TLK1: variants seen among roughly 807,000 people sequenced by gnomAD.
TLK1 encodes tousled like kinase 1.
A neutral mutation model predicts 105.3 loss-of-function variants in TLK1; 24 were observed. That is an observed-to-expected ratio of 0.23 (90% confidence interval 0.17 to 0.32). The LOEUF is 0.32. Ranked by LOEUF, TLK1 falls within the 10% of genes least tolerant of loss-of-function variation. The pLI is 1.00. For synonymous variants in TLK1, 321 were observed against 310.4 expected (o/e 1.03, Z -0.36); for missense variants, 558 against 910.5 (o/e 0.61, Z 4.98).
chr2:171,011,003 T>C (rs1436164435), intron 14 of TLK1, among the ~76,000 whole-genome samples: 1 of 152,086 alleles, frequency 6.6e-6, no homozygotes, highest in African/African-American at 2.4e-5. Context: ...AAAAGACAAG[T>C]ACTTCTTTTT....
chr2:171,212,375 T>C (rs1297090390), intron 1 of TLK1, among the ~76,000 whole-genome samples: 2 of 150,524 alleles, frequency 1.3e-5, no homozygotes, highest in African/African-American at 4.9e-5. Flanking sequence ...CCCCCAATTT[T>C]CCCAACATCT....
At chr2:171,226,530 T>C (rs749667587) in intron 1 of TLK1, among the ~76,000 whole-genome samples, 4 of 152,218 alleles carry the variant, frequency 2.6e-5, no homozygotes, top group Non-Finnish European at 4.4e-5. Flanking sequence ...TCCATGTCAC[T>C]GTACAGATTT....
intron 1 of TLK1, among the ~76,000 whole-genome samples, chr2:171,188,453 C>T (rs776870195): frequency 6.6e-6 from 1 of 152,118 alleles, no homozygotes; most frequent in Non-Finnish European, 1.5e-5. Context: ...CGCCTGTAAT[C>T]CCAGCACTTT....
At chr2:171,015,904 C>T (rs1160176483) in intron 12 of TLK1, among the ~76,000 whole-genome samples, 1 of 151,932 alleles carries the variant, frequency 6.6e-6, no homozygotes, top group Non-Finnish European at 1.5e-5. Flanking sequence ...CATGGAGAAA[C>T]CCCGTCTCTA....
At chr2:171,092,453 C>A (rs938199294) in intron 2 of TLK1, among the ~76,000 whole-genome samples, 5 of 152,310 alleles carry the variant, frequency 3.3e-5, no homozygotes, top group Admixed American at 3.3e-4. Flanking sequence ...CTGTAGTTGT[C>A]AATTAATTCT....
rs1379973536 is a variant in TLK1 at position 171,073,007 on chromosome 2, T to C, written c.330+9774A>G. Reference sequence around the variant, plus strand: ...ATTGCAAATGGGATTACTTTCTTGGTTTCTTTTTCAGATTGTTCACTGTTA... The same window carrying C: ...ATTGCAAATGGGATTACTTTCTTGGCTTCTTTTTCAGATTGTTCACTGTTA... On this transcript the variant is annotated intron_variant, in intron 3 of 20. Coordinates refer to ENST00000431350, the MANE Select transcript of TLK1 (RefSeq NM_012290.5). 2.0e-5 allele frequency among the ~76,000 whole-genome samples: 3 copies of C among 152,068 alleles called. No individual in the cohort carries two copies. The East Asian group carries it at 5.8e-4, about 29-fold the overall frequency.
chr2:171,042,446 C>G (rs1206644493), intron 11 of TLK1, among the ~76,000 whole-genome samples: 1 of 151,920 alleles, frequency 6.6e-6, no homozygotes, highest in African/African-American at 2.4e-5. Flanking sequence ...TAGGGTCTTG[C>G]TCTGTTGCCC....
At chr2:171,018,479 T>C (rs190196309) in intron 12 of TLK1, among the ~76,000 whole-genome samples, 11 of 152,376 alleles carry the variant, frequency 7.2e-5, no homozygotes, top group Non-Finnish European at 1.3e-4. Context: ...TTATCTTTGC[T>C]ACAGATCATT....
chr2:171,212,336 T>C (rs1043678746), intron 1 of TLK1, among the ~76,000 whole-genome samples: 1 of 142,818 alleles, frequency 7.0e-6, no homozygotes, highest in Non-Finnish European at 1.5e-5. Context: ...CTCCCTGTTA[T>C]GCTGCCTTTT....
intron 3 of TLK1, among the ~76,000 whole-genome samples, chr2:171,069,607 C>T (rs1260052736): frequency 6.6e-6 from 1 of 151,974 alleles, no homozygotes; most frequent in Admixed American, 6.6e-5. Context: ...CAGTGCAAAA[C>T]GTCAATAATG....
intron 3 of TLK1, chr2:171,081,645 G>T: frequency 7.7e-7 from 1 of 1,303,942 alleles, no homozygotes. Flanking sequence ...CTTACCTCAA[G>T]GGAACCTACT....
At chr2:171,065,829 G>A (rs1254266621) in intron 3 of TLK1, among the ~76,000 whole-genome samples, 2 of 152,256 alleles carry the variant, frequency 1.3e-5, no homozygotes, top group Non-Finnish European at 2.9e-5. Flanking sequence ...GAGCCACTGC[G>A]CCCAGCCCTC....
At chr2:171,035,449 C>T (rs530138506) in intron 11 of TLK1, among the ~76,000 whole-genome samples, 53 of 152,216 alleles carry the variant, frequency 3.5e-4, no homozygotes, top group Non-Finnish European at 5.4e-4. Context: ...TGAGGCCTCC[C>T]CAACCACGCG....
intron 11 of TLK1, among the ~76,000 whole-genome samples, chr2:171,036,825 T>C (rs1015155659): frequency 6.6e-6 from 1 of 152,168 alleles, no homozygotes; most frequent in African/African-American, 2.4e-5. Flanking sequence ...GTGCTGACAC[T>C]GTAATGGGGA....
chr2:171,206,092 T>C (rs1057076959), intron 1 of TLK1, among the ~76,000 whole-genome samples: 11 of 152,114 alleles, frequency 7.2e-5, no homozygotes, highest in African/African-American at 2.4e-4. Flanking sequence ...TGTCAAGAAA[T>C]ACAACTGAAG....
At chr2:170,995,297 C>T (rs761701172) in intron 20 of TLK1, among the ~76,000 whole-genome samples, 3 of 152,044 alleles carry the variant, frequency 2.0e-5, no homozygotes, top group Non-Finnish European at 4.4e-5. Flanking sequence ...GCAAAGGTAT[C>T]TTCTGTAGGG....
rs547108825 is a variant in TLK1 at position 171,147,917 on chromosome 2, G to GTCTCACTCTGTCTCC, written c.139+12358_139+12372dup. Among the ~76,000 whole-genome samples, 175 of 150,942 alleles carry GTCTCACTCTGTCTCC rather than the reference G, an allele frequency of 1.2e-3. 2 individuals are homozygous for GTCTCACTCTGTCTCC. Among genetic ancestry groups the GTCTCACTCTGTCTCC allele is most frequent in the Admixed American group, 8.8e-3 (134 of 15,180 alleles). On this transcript the variant is annotated intron_variant, in intron 1 of 20. Coordinates refer to ENST00000431350, the MANE Select transcript of TLK1 (RefSeq NM_012290.5). ...ATTCCTTTTTTTTTTTTGAGACAGA[G>GTCTCACTCTGTCTCC]TCTCACTCTGTCTCCCAGGCTGGAG...
intron 2 of TLK1, among the ~76,000 whole-genome samples, chr2:171,103,425 G>A (rs919478514): frequency 1.1e-4 from 16 of 151,836 alleles, no homozygotes; most frequent in Non-Finnish European, 1.9e-4. Flanking sequence ...TTACAGGCAC[G>A]TCCCACCATG....
At chr2:171,043,224 C>T (rs1686776157) in intron 11 of TLK1, among the ~76,000 whole-genome samples, 1 of 151,896 alleles carries the variant, frequency 6.6e-6, no homozygotes, top group South Asian at 2.1e-4. Context: ...GGTGATACCT[C>T]AAAGTAATAA....
Sources: gnomAD v4.1 joint callset for allele counts (sites outside exome capture counted in the v4.1 genomes callset) on GRCh38, gnomAD v4.1.1 for gene constraint, MANE v1.5 for transcripts, NCBI Gene and HGNC (gene_info 2026-07-23, HGNC 2026-07-21) for gene names.